DGKB: variants seen among roughly 807,000 people sequenced by gnomAD.
DGKB encodes the protein diacylglycerol kinase beta.
Under a neutral mutation model 114.3 loss-of-function variants are expected in DGKB, and 67 were observed. That is an observed-to-expected ratio of 0.59 (90% confidence interval 0.48 to 0.72). DGKB has a LOEUF of 0.72. Ranked by LOEUF, DGKB falls within the 30% of genes least tolerant of loss-of-function variation. The pLI, the probability that DGKB is intolerant of heterozygous loss-of-function variation, is 0.00. For synonymous variants in DGKB, 398 were observed against 323.1 expected (o/e 1.23, Z -2.49); for missense variants, 907 against 975.2 (o/e 0.93, Z 0.93).
chr7:14,480,397 A>T (rs1782811726), intron 20 of DGKB, among the ~76,000 whole-genome samples: 1 of 152,040 alleles, frequency 6.6e-6, no homozygotes, highest in Non-Finnish European at 1.5e-5. Flanking sequence ...CAACTACAGG[A>T]TTGATAAGGA....
At chr7:14,164,611 A>C (rs1784374101) in intron 25 of DGKB, among the ~76,000 whole-genome samples, 1 of 152,188 alleles carries the variant, frequency 6.6e-6, no homozygotes, top group South Asian at 2.1e-4. Context: ...ATTATGATAA[A>C]ACAATGTCCT....
chr7:14,617,680 C>A (rs1305788620), intron 15 of DGKB, among the ~76,000 whole-genome samples: 2 of 151,556 alleles, frequency 1.3e-5, no homozygotes, highest in Non-Finnish European at 3.0e-5. Context: ...AAAATTCTAG[C>A]CCCTGTTACT....
chr7:14,269,640 T>A (rs377363627), intron 23 of DGKB, among the ~76,000 whole-genome samples: 1 of 152,198 alleles, frequency 6.6e-6, no homozygotes, highest in Admixed American at 6.5e-5. Context: ...GGGACCATTA[T>A]AGGTCAAGAC....
chr7:14,783,646 C>A (rs1231883803), intron 2 of DGKB, among the ~76,000 whole-genome samples: 2 of 152,174 alleles, frequency 1.3e-5, no homozygotes, highest in African/African-American at 4.8e-5. Context: ...TTGACATTGA[C>A]AAGTGCAAAT....
chr7:14,832,195 C>G (rs1227123470), intron 2 of DGKB, among the ~76,000 whole-genome samples: 1 of 151,964 alleles, frequency 6.6e-6, no homozygotes, highest in Non-Finnish European at 1.5e-5. Flanking sequence ...ACATAAGTTG[C>G]TGACGGCCAA....
intron 21 of DGKB, among the ~76,000 whole-genome samples, chr7:14,448,735 C>T (rs111609735): frequency 5.9e-5 from 9 of 152,104 alleles, no homozygotes; most frequent in South Asian, 4.1e-4. Flanking sequence ...AAAACGGATA[C>T]GTTAAGTAAG....
chr7:14,319,568 G>A (rs1807336986), intron 23 of DGKB, among the ~76,000 whole-genome samples: 1 of 151,998 alleles, frequency 6.6e-6, no homozygotes, highest in African/African-American at 2.4e-5. Context: ...AAGTTCTTTA[G>A]GATTTTCAAT....
chr7:14,433,539 T>C (rs796967476), intron 21 of DGKB, among the ~76,000 whole-genome samples: 2 of 152,202 alleles, frequency 1.3e-5, no homozygotes, highest in African/African-American at 4.8e-5. Context: ...ATCCTTGAAG[T>C]TGTACAACAT....
chr7:14,369,725 GA>G (rs1163127250), intron 21 of DGKB, among the ~76,000 whole-genome samples: 2 of 152,184 alleles, frequency 1.3e-5, no homozygotes, highest in African/African-American at 2.4e-5. Flanking sequence ...CCTCTTTTGA[GA>G]AGTGTCTGTT....
rs1248897169 is a variant in DGKB at position 14,505,335 on chromosome 7, TC to T, written c.1771-27111del. Among the ~76,000 whole-genome samples the T allele has an allele frequency of 9.2e-5, 14 of 151,672 alleles. No homozygotes were observed. In the East Asian group the frequency reaches 2.2e-3, roughly 23 times the overall value. On this transcript the variant is annotated intron_variant, in intron 20 of 25. Coordinates refer to ENST00000402815, the MANE Select transcript of DGKB (RefSeq NM_001350709.2). ...CTGGGCGTGTTGGCACACATGCTAA[TC>T]CCAGCTACTCAGGAGGCTGAGGCCA...
intron 1 of DGKB, among the ~76,000 whole-genome samples, chr7:14,878,695 G>T (rs1853707000): frequency 1.4e-5 from 2 of 146,948 alleles, no homozygotes. Flanking sequence ...CTTGCAGTGA[G>T]CCGAGATTGG....
At chr7:14,807,722 A>G (rs1666568960) in intron 2 of DGKB, among the ~76,000 whole-genome samples, 3 of 152,008 alleles carry the variant, frequency 2.0e-5, no homozygotes, top group Admixed American at 1.3e-4. Context: ...GATGTCATCA[A>G]CCAGACATTT....
At chr7:14,266,365 T>A (rs888789005) in intron 23 of DGKB, among the ~76,000 whole-genome samples, 4 of 152,176 alleles carry the variant, frequency 2.6e-5, no homozygotes, top group African/African-American at 9.6e-5. Context: ...TTGAGCCAAA[T>A]ATCTCAAAAA....
At chr7:14,456,623 C>G (rs1223490357) in intron 21 of DGKB, among the ~76,000 whole-genome samples, 1 of 151,932 alleles carries the variant, frequency 6.6e-6, no homozygotes, top group Non-Finnish European at 1.5e-5. Flanking sequence ...ATTATTTTTC[C>G]AATTGTTTGT....
intron 23 of DGKB, among the ~76,000 whole-genome samples, chr7:14,321,682 T>A (rs1180145662): frequency 6.6e-6 from 1 of 152,020 alleles, no homozygotes; most frequent in Admixed American, 6.5e-5. Context: ...GGCATGATAT[T>A]TATTTAAAGT....
At chr7:14,619,541 C>T (rs752956260) in intron 15 of DGKB, among the ~76,000 whole-genome samples, 3 of 151,500 alleles carry the variant, frequency 2.0e-5, no homozygotes, top group Non-Finnish European at 4.4e-5. Context: ...AATTCTGTTG[C>T]ATACATAAAT....
chr7:14,469,766 T>C (rs1037140068), intron 21 of DGKB, among the ~76,000 whole-genome samples: 15 of 152,004 alleles, frequency 9.9e-5, no homozygotes, highest in Admixed American at 5.9e-4. Flanking sequence ...TCGAGGAGCA[T>C]AGTAAATTAT....
At chr7:14,464,500 C>T (rs1833553310) in intron 21 of DGKB, among the ~76,000 whole-genome samples, 1 of 152,126 alleles carries the variant, frequency 6.6e-6, no homozygotes, top group African/African-American at 2.4e-5. Context: ...ATTATGACAT[C>T]ACAGTGACTA....
At chr7:14,712,282 T>C (rs1827488755) in intron 6 of DGKB, among the ~76,000 whole-genome samples, 1 of 152,214 alleles carries the variant, frequency 6.6e-6, no homozygotes, top group South Asian at 2.1e-4. Context: ...ATGTTCAGCA[T>C]CCAAATAATA....
Sources: gnomAD v4.1 joint callset for allele counts (sites outside exome capture counted in the v4.1 genomes callset) on GRCh38, gnomAD v4.1.1 for gene constraint, MANE v1.5 for transcripts, NCBI Gene and HGNC (gene_info 2026-07-23, HGNC 2026-07-21) for gene names.